The following MED27 variants were observed in gnomAD, a reference collection of about 807,000 sequenced individuals.
The protein encoded by MED27 is mediator complex subunit 27, also known as mediator of RNA polymerase II transcription subunit 27.
Under a neutral mutation model 38.2 loss-of-function variants are expected in MED27, and 30 were observed. The observed-to-expected ratio is 0.79, with a 90% confidence interval of 0.59 to 1.07. The LOEUF is 1.07. MED27 is among the 50% of genes least tolerant of loss of function. The pLI is 0.00. For synonymous variants in MED27, 122 were observed against 153.5 expected (o/e 0.79, Z 1.52); for missense variants, 289 against 397.5 (o/e 0.73, Z 2.32).
chr9:132,018,013 C>T (rs1832641625), intron 2 of MED27, among the ~76,000 whole-genome samples: 2 of 152,134 alleles, frequency 1.3e-5, no homozygotes, highest in African/African-American at 2.4e-5. Context: ...GGAGAGGAAG[C>T]GCCTCTGTAA....
chr9:132,038,955 G>A (rs142625381), intron 2 of MED27, among the ~76,000 whole-genome samples: 89 of 152,322 alleles, frequency 5.8e-4, no homozygotes, highest in Admixed American at 1.1e-3. Flanking sequence ...ACAGGCAGCA[G>A]AGCGGAGAAG....
intron 2 of MED27, among the ~76,000 whole-genome samples, chr9:132,046,351 C>G (rs1589287104): frequency 6.6e-6 from 1 of 152,024 alleles, no homozygotes; most frequent in Admixed American, 6.5e-5. Flanking sequence ...TATACTGAAA[C>G]AGGCCAACTA....
chr9:132,014,561 C>A, intron 2 of MED27, 94 bp from the exon 3 acceptor site: 1 of 1,261,780 alleles, frequency 7.9e-7, no homozygotes, highest in South Asian at 1.5e-5. Context: ...ATAATCTTAT[C>A]CCCTTAGAAC....
chr9:131,966,400 A>AAAAAAAAAAAAT (rs71374156), intron 3 of MED27, among the ~76,000 whole-genome samples: 1 of 143,736 alleles, frequency 7.0e-6, no homozygotes. Flanking sequence ...AAAAAAAAAA[A>AAAAAAAAAAAAT]GGAAAGGAAA....
At chr9:131,978,007 G>T (rs866926558) in intron 3 of MED27, among the ~76,000 whole-genome samples, 1 of 152,186 alleles carries the variant, frequency 6.6e-6, no homozygotes, top group African/African-American at 2.4e-5. Flanking sequence ...GGCAGCTAAC[G>T]TCATCAAAAA....
At chr9:132,024,458 G>A (rs2074307728) in intron 2 of MED27, among the ~76,000 whole-genome samples, 1 of 152,122 alleles carries the variant, frequency 6.6e-6, no homozygotes, top group South Asian at 2.1e-4. Flanking sequence ...CTAGAAATTC[G>A]CTTCCTCCAA....
chr9:131,966,141 T>C (rs1384199006), intron 3 of MED27, among the ~76,000 whole-genome samples: 1 of 138,578 alleles, frequency 7.2e-6, no homozygotes, highest in Non-Finnish European at 1.5e-5. Context: ...GGTGGGAGGA[T>C]TGCTTGAGGC....
intron 4 of MED27, among the ~76,000 whole-genome samples, chr9:131,912,676 A>G (rs1254821898): frequency 6.6e-6 from 1 of 152,196 alleles, no homozygotes; most frequent in Non-Finnish European, 1.5e-5. Context: ...AATCGCTCCC[A>G]GTTCAAGAAC....
At chr9:132,057,491 C>T (rs1309358885) in intron 2 of MED27, among the ~76,000 whole-genome samples, 1 of 152,228 alleles carries the variant, frequency 6.6e-6, no homozygotes, top group Non-Finnish European at 1.5e-5. Context: ...CTGGGCTGCG[C>T]AGGCCACAGG....
chr9:131,939,484 A>G lies in MED27; in HGVS notation c.480-10T>C. 6.4e-7 allele frequency: 1 copy of G among 1,574,018 alleles called. No homozygotes were observed. Among genetic ancestry groups the G allele is most frequent in the Non-Finnish European group, 8.7e-7 (1 of 1,154,600 alleles). ...CACATCATCAACATATCTACATGGGAAAAAAATAAACATGTGTGAACTACA... is the reference window on the plus strand; with the variant it reads ...CACATCATCAACATATCTACATGGGGAAAAAATAAACATGTGTGAACTACA... On this transcript the variant is annotated splice_polypyrimidine_tract_variant and intron_variant, in intron 3 of 7. Coordinates refer to ENST00000292035, the MANE Select transcript of MED27 (RefSeq NM_004269.4).
At chr9:131,868,536 A>C (rs1397707077) in intron 6 of MED27, 4 of 972,332 alleles carry the variant, frequency 4.1e-6, no homozygotes, top group Non-Finnish European at 4.9e-6. Flanking sequence ...TCAGCCTGAC[A>C]AAGTGCTGGG....
intron 2 of MED27, among the ~76,000 whole-genome samples, chr9:132,072,405 G>C (rs1029608992): frequency 6.6e-6 from 1 of 152,132 alleles, no homozygotes; most frequent in African/African-American, 2.4e-5. Context: ...AGGTAGTCTT[G>C]ACTCCAGAAC....
At chr9:132,018,051 T>C (rs1832642063) in intron 2 of MED27, among the ~76,000 whole-genome samples, 2 of 152,206 alleles carry the variant, frequency 1.3e-5, no homozygotes, top group Non-Finnish European at 1.5e-5. Flanking sequence ...AATGTGCTCC[T>C]GGGCTTTGCT....
intron 2 of MED27, among the ~76,000 whole-genome samples, chr9:132,057,786 C>T (rs1161833087): frequency 2.6e-5 from 4 of 152,096 alleles, no homozygotes; most frequent in Non-Finnish European, 5.9e-5. Context: ...TGTCAATGCC[C>T]CCTCCACTTC....
In MED27 at chr9:131,945,217, G is replaced by A. The variant is rs1052799146; in HGVS notation, c.480-5743C>T. Among the ~76,000 whole-genome samples, 8 of 150,222 alleles carry A rather than the reference G, an allele frequency of 5.3e-5. No individual in the cohort carries two copies. In the South Asian group the frequency reaches 1.3e-3, roughly 24 times the overall value. On this transcript the variant is annotated intron_variant, in intron 3 of 7. Coordinates refer to ENST00000292035, the MANE Select transcript of MED27 (RefSeq NM_004269.4). Reference sequence around the variant, plus strand: ...GTGAACATAACTGAAATGGCATAGGGGGTACAAAGAATCTACTAATTCTGA... The same window carrying A: ...GTGAACATAACTGAAATGGCATAGGAGGTACAAAGAATCTACTAATTCTGA...
rs185246623 is a variant in MED27 at position 132,041,624 on chromosome 9, C to T, written c.349-27157G>A. Among the ~76,000 whole-genome samples, 5 of 152,096 alleles carry T rather than the reference C, an allele frequency of 3.3e-5. No homozygotes were observed. In the East Asian group the frequency reaches 9.6e-4, roughly 29 times the overall value. On this transcript the variant is annotated intron_variant, in intron 2 of 7. Transcript: ENST00000292035. Reference sequence around the variant, plus strand: ...TGCCCATGTGTGTTGTGACAAAGCTCGACTGAAAGATGGACAGTCACAGGA... The same window carrying T: ...TGCCCATGTGTGTTGTGACAAAGCTTGACTGAAAGATGGACAGTCACAGGA...
intron 6 of MED27, among the ~76,000 whole-genome samples, chr9:131,880,497 CTTAG>C (rs994539798): frequency 1.3e-5 from 2 of 152,186 alleles, no homozygotes; most frequent in Non-Finnish European, 2.9e-5. Flanking sequence ...GTTAAGTCCA[CTTAG>C]TTAATAATAG....
chr9:131,906,448 A>C (rs1441900820), intron 4 of MED27, among the ~76,000 whole-genome samples: 7 of 44,602 alleles, frequency 1.6e-4, no homozygotes, highest in Non-Finnish European at 4.2e-4. Flanking sequence ...CTAGGAACAG[A>C]AAGGAGGTCG....
In MED27 at chr9:131,912,409, A is replaced by T. The variant is rs980206346; in HGVS notation, c.574-18417T>A. On this transcript the variant is annotated intron_variant, in intron 4 of 7. Coordinates refer to ENST00000292035, the MANE Select transcript of MED27 (RefSeq NM_004269.4). Reference sequence around the variant, plus strand: ...ACTGTTACATTAGTATCAGGAAAAAAATAACTCGCTATTCAACCAGGCACT... The same window carrying T: ...ACTGTTACATTAGTATCAGGAAAAATATAACTCGCTATTCAACCAGGCACT... 8.7e-4 allele frequency among the ~76,000 whole-genome samples: 133 copies of T among 152,236 alleles called. 1 individual carries two copies. Among genetic ancestry groups the T allele is most frequent in the African/African-American group, 3.2e-3 (131 of 41,456 alleles).
Sources: allele counts gnomAD v4.1 joint callset (sites outside exome capture counted in the v4.1 genomes callset), GRCh38; gene constraint gnomAD v4.1.1; transcripts MANE v1.5; gene names NCBI Gene and HGNC (gene_info 2026-07-23, HGNC 2026-07-21).